FRMPD1: variants seen among roughly 807,000 people sequenced by gnomAD.
FRMPD1 encodes the protein FERM and PDZ domain-containing protein 1.
Under a neutral mutation model 117.8 loss-of-function variants are expected in FRMPD1, and 76 were observed. The ratio of observed to expected loss-of-function variants is 0.65; its 90% CI spans 0.54 to 0.78. The LOEUF (loss-of-function observed/expected upper bound fraction) is 0.78. Among genes scored for constraint, FRMPD1 ranks in the 30% least tolerant of loss-of-function variants. FRMPD1 has a pLI of 0.00. For synonymous variants in FRMPD1, 783 were observed against 770.4 expected (o/e 1.02, Z -0.27); for missense variants, 1,786 against 1,964.5 (o/e 0.91, Z 1.72).
intron 1 of FRMPD1, among the ~76,000 whole-genome samples, chr9:37,670,946 C>T (rs114150058): frequency 0.012 from 1,802 of 152,254 alleles, 32 homozygotes; most frequent in African/African-American, 0.041. Flanking sequence ...GCAGCTGTAA[C>T]GTTATAATGG....
At chr9:37,702,438 G>C (rs565293723) in intron 2 of FRMPD1, among the ~76,000 whole-genome samples, 1 of 152,200 alleles carries the variant, frequency 6.6e-6, no homozygotes, top group African/African-American at 2.4e-5. Flanking sequence ...TTGGATGCTC[G>C]GGGCCATAAG....
chr9:37,618,738 C>T, the FRMPD1 span, among the ~76,000 whole-genome samples: 4 of 152,146 alleles, frequency 2.6e-5, no homozygotes, highest in African/African-American at 9.7e-5. Context: ...ATTCTTTCCC[C>T]TTCTTCTTGC....
the FRMPD1 span, among the ~76,000 whole-genome samples, chr9:37,609,393 T>G: frequency 0.034 from 5,238 of 152,130 alleles, 292 homozygotes; most frequent in African/African-American, 0.12. Flanking sequence ...TCCCCTTCAG[T>G]TTTCCTCATC....
chr9:37,643,919 C>A, the FRMPD1 span, among the ~76,000 whole-genome samples: 1 of 152,182 alleles, frequency 6.6e-6, no homozygotes, highest in African/African-American at 2.4e-5. Flanking sequence ...TGGGGTTGCG[C>A]TGCTGTGTGC....
intron 7 of FRMPD1, among the ~76,000 whole-genome samples, chr9:37,728,212 TAGAG>T (rs1306471959): frequency 3.9e-5 from 6 of 152,138 alleles, no homozygotes; most frequent in East Asian, 1.9e-4. Context: ...CACTGAGGCA[TAGAG>T]AGAAGAAGCA....
chr9:37,716,450 T>A (rs1823123490), intron 5 of FRMPD1, among the ~76,000 whole-genome samples: 1 of 152,226 alleles, frequency 6.6e-6, no homozygotes, highest in South Asian at 2.1e-4. Context: ...GCTGTAGTCA[T>A]TTTCCAATGA....
chr9:37,708,433 T>G lies in FRMPD1; in HGVS notation c.294T>G (p.Asp98Glu). 1 of 1,613,342 alleles carries G rather than the reference T, an allele frequency of 6.2e-7. No individual in the cohort carries two copies. The change falls in exon 4 of 16, where the codon GAT (aspartate) becomes GAG (glutamate). Residue 98 changes from aspartate (D) to glutamate (E), a missense_variant. By Grantham distance (45) the Asp-to-Glu change is conservative. Transcript: ENST00000377765. ...GSAHGKLFPG[D>E]QILQMNNEPA... Reference sequence around the variant, plus strand: ...CTCACGGCAAGCTTTTCCCTGGTGATCAGATCCTCCAAATGAACAATGAGC... The same window carrying G: ...CTCACGGCAAGCTTTTCCCTGGTGAGCAGATCCTCCAAATGAACAATGAGC...
At chr9:37,670,142 G>T (rs1208283770) in intron 1 of FRMPD1, 1 of 152,290 alleles carries the variant, frequency 6.6e-6, no homozygotes, top group South Asian at 2.1e-4. Flanking sequence ...AAATTAGACT[G>T]TGTCTAACTG....
chr9:37,683,346 C>T (rs1001502967), intron 1 of FRMPD1, among the ~76,000 whole-genome samples: 8 of 152,174 alleles, frequency 5.3e-5, no homozygotes, highest in South Asian at 2.1e-4. Context: ...GGCATATTTC[C>T]GTAGAACTTT....
chr9:37,642,058 C>T, the FRMPD1 span, among the ~76,000 whole-genome samples: 6 of 152,164 alleles, frequency 3.9e-5, no homozygotes, highest in African/African-American at 1.2e-4. Flanking sequence ...ATCACTACAG[C>T]AAAACTATTG....
At position 37,692,631 on chromosome 9, in the gene FRMPD1, CT is replaced by C; in HGVS notation, c.-4-3del. On this transcript the variant is annotated splice_region_variant and splice_polypyrimidine_tract_variant and intron_variant, in intron 1 of 15. Transcript: ENST00000377765. ...TAGCATCTTAAGAACACTCTTCTTC[CT>C]TTTAGGTAAATGGAAGAGCTGGAGA... The C allele has an allele frequency of 6.3e-7, 1 of 1,576,824 alleles. No homozygotes were observed. Among genetic ancestry groups the C allele is most frequent in the Non-Finnish European group, 8.7e-7 (1 of 1,145,936 alleles).
chr9:37,715,627 G>A (rs751330314), intron 5 of FRMPD1: 25 of 456,142 alleles, frequency 5.5e-5, no homozygotes, highest in African/African-American at 5.0e-4. Context: ...CTAGAATAAT[G>A]AGTAGCTCAT....
intron 8 of FRMPD1, 148 bp downstream of exon 8, chr9:37,730,001 G>C: frequency 2.6e-6 from 2 of 768,210 alleles, no homozygotes; most frequent in Non-Finnish European, 4.1e-6. Flanking sequence ...ACTCAGCCTG[G>C]GGGTTATGGG....
the FRMPD1 span, among the ~76,000 whole-genome samples, chr9:37,617,211 CTT>C: frequency 0.067 from 10,177 of 152,224 alleles, 1,108 homozygotes; most frequent in African/African-American, 0.23. Context: ...CAGAACTAAA[CTT>C]TTTTCCCTTT....
At chr9:37,637,111 G>A in the FRMPD1 span, 2 of 1,597,254 alleles carry the variant, frequency 1.3e-6, no homozygotes, top group Admixed American at 3.3e-5. Context: ...CCGTGTCCCA[G>A]ATCTGAAGTT....
At chr9:37,618,045 C>G in the FRMPD1 span, among the ~76,000 whole-genome samples, 2 of 152,174 alleles carry the variant, frequency 1.3e-5, no homozygotes, top group Admixed American at 6.5e-5. Context: ...GAAATGAGGT[C>G]TGTCCACACA....
chr9:37,678,950 C>G lies in FRMPD1; in HGVS notation c.-4-13688C>G, dbSNP rs185765313. Among the ~76,000 whole-genome samples the G allele has an allele frequency of 5.9e-4, 90 of 152,332 alleles. 1 individual carries two copies. The highest frequency in any genetic ancestry group is 4.4e-5 in the Non-Finnish European group (3 of 68,024). On this transcript the variant is annotated intron_variant, in intron 1 of 15. Coordinates refer to ENST00000377765, the MANE Select transcript of FRMPD1 (RefSeq NM_014907.3). ...ACTCAGGCCCTGTGGTCCTCATCAG[C>G]CTTTTAGGGCCCAGCACAGGTGCTT...
At chr9:37,647,788 A>G (rs1824169295), upstream of FRMPD1, among the ~76,000 whole-genome samples, 2 of 152,216 alleles carry the variant, frequency 1.3e-5, no homozygotes, top group South Asian at 2.1e-4. Flanking sequence ...GGAAGAGTTC[A>G]TGGAGGACAA....
At chr9:37,708,798 A>G (rs564508895) in intron 4 of FRMPD1, among the ~76,000 whole-genome samples, 26 of 152,370 alleles carry the variant, frequency 1.7e-4, no homozygotes, top group African/African-American at 5.5e-4. Flanking sequence ...TGTAATGATC[A>G]TAAATAACCC....
Sources: allele counts gnomAD v4.1 joint callset (sites outside exome capture counted in the v4.1 genomes callset), GRCh38; gene constraint gnomAD v4.1.1; transcripts MANE v1.5; gene names NCBI Gene and HGNC (gene_info 2026-07-23, HGNC 2026-07-21).